PDGFD: variants seen among roughly 807,000 people sequenced by gnomAD.
PDGFD encodes platelet derived growth factor D, also known as platelet-derived growth factor D.
In PDGFD, 30 loss-of-function variants were observed where a neutral mutation model predicts 44.7. That is an observed-to-expected ratio of 0.67 (90% CI 0.50 to 0.91). The LOEUF (loss-of-function observed/expected upper bound fraction) is 0.91, where lower values mean the gene tolerates loss of function less well. Among genes scored for constraint, PDGFD ranks in the 40% least tolerant of loss-of-function variants. The pLI is 0.00. For missense variants in PDGFD, 445 were observed against 457.8 expected (o/e 0.97, Z 0.25); for synonymous variants, 173 against 168.4 (o/e 1.03, Z -0.21).
At chr11:104,146,202 G>A (rs368822187) in intron 1 of PDGFD, among the ~76,000 whole-genome samples, 3 of 152,138 alleles carry the variant, frequency 2.0e-5, no homozygotes, top group East Asian at 1.9e-4. Flanking sequence ...GTTTGGCTGT[G>A]TCACACAACA....
Position 103,909,923 on chromosome 11 carries a change from G to A in PDGFD, c.988-104C>T, listed in dbSNP as rs1374798652. ...TGACAACTAGTTCTTAGCCCTTTGA[G>A]AACCCAACAGAAGCTATGGGCTTGC... On this transcript the variant is annotated intron_variant, in intron 6 of 6. Coordinates refer to ENST00000393158, the MANE Select transcript of PDGFD (RefSeq NM_025208.5). 13 of 1,366,972 alleles carry A rather than the reference G, an allele frequency of 9.5e-6. No individual in the cohort carries two copies. In the East Asian group the frequency reaches 2.8e-4, roughly 29 times the overall value. 84.7% of individuals were successfully genotyped at this position (1,366,972 alleles called of 1,614,324 possible). A position where few individuals can be genotyped will look rare whatever the true frequency, so the allele number is the denominator to read the frequency against.
intron 6 of PDGFD, among the ~76,000 whole-genome samples, chr11:103,913,586 A>G (rs1406891560): frequency 6.6e-6 from 1 of 152,196 alleles, no homozygotes; most frequent in Non-Finnish European, 1.5e-5. Flanking sequence ...ATCACAATTA[A>G]AAGAACTAGA....
At chr11:103,939,445 G>C (rs1402912089) in intron 5 of PDGFD, among the ~76,000 whole-genome samples, 1 of 152,136 alleles carries the variant, frequency 6.6e-6, no homozygotes, top group Non-Finnish European at 1.5e-5. Context: ...TCAGCTTGAG[G>C]AGATTTTGGG....
intron 3 of PDGFD, among the ~76,000 whole-genome samples, chr11:103,951,942 C>G (rs188921124): frequency 1.3e-5 from 2 of 152,284 alleles, no homozygotes; most frequent in Non-Finnish European, 2.9e-5. Context: ...TTGTTCTTTA[C>G]TCTATTCCAA....
intron 3 of PDGFD, among the ~76,000 whole-genome samples, chr11:103,955,185 A>T (rs1480365313): frequency 2.4e-4 from 16 of 67,812 alleles, no homozygotes; most frequent in Non-Finnish European, 4.6e-4. Context: ...AAAAAAAAAA[A>T]AAAAAAAAAA....
chr11:104,046,402 A>C (rs1452850860), intron 1 of PDGFD, among the ~76,000 whole-genome samples: 3 of 148,012 alleles, frequency 2.0e-5, no homozygotes, highest in Non-Finnish European at 3.0e-5. Flanking sequence ...ACGTTAAAGC[A>C]ACAGATGGGT....
At chr11:104,132,184 T>G (rs939143864) in intron 1 of PDGFD, among the ~76,000 whole-genome samples, 1 of 152,082 alleles carries the variant, frequency 6.6e-6, no homozygotes, top group African/African-American at 2.4e-5. Flanking sequence ...TTGTTTTCCT[T>G]GATACTCTCT....
Position 104,053,724 on chromosome 11 carries a change from G to A in PDGFD, c.125-53469C>T, listed in dbSNP as rs189658678. On this transcript the variant is annotated intron_variant, in intron 1 of 6. Transcript: ENST00000393158. ...GAAGCGCATATATTCAACTGGGCAG[G>A]ATATTACAAACACAGAGAAATCAAA... is the stretch of plus-strand genomic sequence containing the variant. Among the ~76,000 whole-genome samples the A allele has an allele frequency of 4.6e-5, 7 of 152,246 alleles. No individual in the cohort carries two copies. In the East Asian group the frequency reaches 1.4e-3, roughly 29 times the overall value.
At chr11:103,929,933 A>T (rs1326543726) in intron 5 of PDGFD, among the ~76,000 whole-genome samples, 1 of 151,992 alleles carries the variant, frequency 6.6e-6, no homozygotes, top group Non-Finnish European at 1.5e-5. Flanking sequence ...ACCGAGAGAG[A>T]GGGGCTGCCC....
At chr11:103,985,836 C>T (rs1220260331) in intron 3 of PDGFD, among the ~76,000 whole-genome samples, 1 of 152,000 alleles carries the variant, frequency 6.6e-6, no homozygotes, top group African/African-American at 2.4e-5. Context: ...AGCAGGTAGC[C>T]AGGTGCAGCA....
intron 3 of PDGFD, among the ~76,000 whole-genome samples, chr11:103,982,696 T>C (rs1038828465): frequency 2.6e-5 from 4 of 151,718 alleles, no homozygotes; most frequent in African/African-American, 7.3e-5. Flanking sequence ...GCTTTTTACA[T>C]TGATAAACAC....
chr11:104,051,394 GC>G (rs1398529294), intron 1 of PDGFD, among the ~76,000 whole-genome samples: 1 of 152,190 alleles, frequency 6.6e-6, no homozygotes, highest in Non-Finnish European at 1.5e-5. Context: ...TGTAGGCATT[GC>G]TGCTAGTGAC....
intron 3 of PDGFD, among the ~76,000 whole-genome samples, chr11:103,956,030 T>C (rs1227084162): frequency 6.6e-6 from 1 of 152,022 alleles, no homozygotes; most frequent in Non-Finnish European, 1.5e-5. Flanking sequence ...TTATACTTGT[T>C]AGTTTCTGAT....
chr11:104,089,531 A>G (rs1238312944), intron 1 of PDGFD, among the ~76,000 whole-genome samples: 1 of 152,214 alleles, frequency 6.6e-6, no homozygotes, highest in Non-Finnish European at 1.5e-5. Context: ...AGAATAAAAT[A>G]ATAGCATATA....
At chr11:104,094,115 C>T (rs1861249170) in intron 1 of PDGFD, among the ~76,000 whole-genome samples, 2 of 75,908 alleles carry the variant, frequency 2.6e-5, no homozygotes, top group African/African-American at 9.0e-5. Flanking sequence ...ATTGAACATG[C>T]TTTGCCTCTT....
intron 1 of PDGFD, among the ~76,000 whole-genome samples, chr11:104,143,146 G>A (rs1591184780): frequency 6.6e-6 from 1 of 152,088 alleles, no homozygotes; most frequent in Non-Finnish European, 1.5e-5. Flanking sequence ...TTGAGCATGC[G>A]ATCTTAAAAG....
chr11:103,943,672 G>C, intron 4 of PDGFD, 22 bp from the exon 5 acceptor site: 2 of 1,592,652 alleles, frequency 1.3e-6, no homozygotes, highest in Non-Finnish European at 1.7e-6. Context: ...ATACAGCTCA[G>C]TGTACTCAGA....
intron 3 of PDGFD, among the ~76,000 whole-genome samples, chr11:103,966,610 G>A (rs906473333): frequency 2.6e-5 from 4 of 152,092 alleles, no homozygotes; most frequent in Non-Finnish European, 4.4e-5. Flanking sequence ...TATTGTAAAC[G>A]GTAAAGAATA....
chr11:104,078,801 A>C (rs200813334), intron 1 of PDGFD, among the ~76,000 whole-genome samples: 3 of 46,764 alleles, frequency 6.4e-5, no homozygotes, highest in Non-Finnish European at 1.0e-4. Flanking sequence ...AAAGTATTTA[A>C]TGTTTAGGCA....
Sources: gnomAD v4.1 joint callset for allele counts (sites outside exome capture counted in the v4.1 genomes callset) on GRCh38, gnomAD v4.1.1 for gene constraint, MANE v1.5 for transcripts, NCBI Gene and HGNC (gene_info 2026-07-23, HGNC 2026-07-21) for gene names.